AKAP19: variants seen among roughly 807,000 people sequenced by gnomAD.
The protein encoded by AKAP19 is small A-kinase anchoring protein.
At chr2:189,957,575 T>C in the AKAP19 span, among the ~76,000 whole-genome samples, 1 of 152,210 alleles carries the variant, frequency 6.6e-6, no homozygotes, top group East Asian at 1.9e-4. Context: ...CAATTTTTCA[T>C]ATGTAATTCT....
chr2:190,180,543 C>T, the AKAP19 span: 11 of 985,646 alleles, frequency 1.1e-5, no homozygotes, highest in Non-Finnish European at 7.2e-6. This position sits in a 1 kb window ranked among gnomAD's most constrained non-coding sequence, Gnocchi z 6.8. Flanking sequence ...CGGGTCTGTT[C>T]CCGCTGCGGC....
the AKAP19 span, among the ~76,000 whole-genome samples, chr2:190,191,019 C>A: frequency 6.4e-4 from 97 of 152,234 alleles, 1 homozygote; most frequent in East Asian, 0.017. Flanking sequence ...AAATAAGTAA[C>A]CTTTTGAGAC....
the AKAP19 span, among the ~76,000 whole-genome samples, chr2:190,172,723 A>C: frequency 6.6e-6 from 1 of 152,348 alleles, no homozygotes; most frequent in Non-Finnish European, 1.5e-5. Flanking sequence ...TTCAAATTCA[A>C]GTTCTAGCAC....
At chr2:189,914,478 A>T in the AKAP19 span, among the ~76,000 whole-genome samples, 3 of 152,204 alleles carry the variant, frequency 2.0e-5, no homozygotes, top group Non-Finnish European at 2.9e-5. Flanking sequence ...ACAATTTTGT[A>T]TGAAACTGCC....
the AKAP19 span, among the ~76,000 whole-genome samples, chr2:190,075,703 A>T: frequency 1.2e-3 from 183 of 152,094 alleles, 1 homozygote; most frequent in East Asian, 0.011. Context: ...CCATCCATTC[A>T]CTTTCAACCT....
At chr2:190,110,224 A>G in the AKAP19 span, among the ~76,000 whole-genome samples, 2 of 152,242 alleles carry the variant, frequency 1.3e-5, no homozygotes, top group Non-Finnish European at 2.9e-5. Context: ...GGGTATATTT[A>G]GCCAAGGAAT....
chr2:190,188,840 G>A, the AKAP19 span, among the ~76,000 whole-genome samples: 1 of 151,908 alleles, frequency 6.6e-6, no homozygotes, highest in East Asian at 1.9e-4. Flanking sequence ...GATAAATCTT[G>A]AGGCTTCTGT....
chr2:190,038,905 TTC>T, the AKAP19 span, among the ~76,000 whole-genome samples: 2,683 of 81,968 alleles, frequency 0.033, 129 homozygotes, highest in African/African-American at 0.085. Flanking sequence ...TCTTTCTTTC[TTC>T]TTCTTCTTCT....
the AKAP19 span, among the ~76,000 whole-genome samples, chr2:190,007,447 C>G: frequency 1.3e-5 from 2 of 152,132 alleles, no homozygotes; most frequent in African/African-American, 2.4e-5. Flanking sequence ...GGGAATTTCT[C>G]TGTTTTCTGT....
At chr2:190,044,177 A>T in the AKAP19 span, among the ~76,000 whole-genome samples, 481 of 152,188 alleles carry the variant, frequency 3.2e-3, 1 homozygote, top group African/African-American at 0.011. Context: ...TGCCCACTGT[A>T]GTTCTGGGGT....
At chr2:189,924,119 G>C in the AKAP19 span, 19 of 1,239,854 alleles carry the variant, frequency 1.5e-5, no homozygotes, top group African/African-American at 1.4e-4. Flanking sequence ...TAATGAAGAT[G>C]GGGGGATGAC....
At chr2:190,000,942 C>T in the AKAP19 span, among the ~76,000 whole-genome samples, 3 of 152,018 alleles carry the variant, frequency 2.0e-5, no homozygotes, top group Non-Finnish European at 4.4e-5. Context: ...CGGGGACTCC[C>T]ATTACATGTA....
At chr2:190,163,383 G>A in the AKAP19 span, among the ~76,000 whole-genome samples, 5 of 150,966 alleles carry the variant, frequency 3.3e-5, no homozygotes, top group East Asian at 1.9e-4. Flanking sequence ...GCAGTGAGCC[G>A]AGATCGCGCC....
chr2:189,980,396 T>C, the AKAP19 span, among the ~76,000 whole-genome samples: 4 of 152,164 alleles, frequency 2.6e-5, no homozygotes, highest in Non-Finnish European at 4.4e-5. Context: ...TGGAGTGCAG[T>C]GGTGCAATCT....
At chr2:190,089,148 C>G in the AKAP19 span, among the ~76,000 whole-genome samples, 1 of 152,156 alleles carries the variant, frequency 6.6e-6, no homozygotes, top group African/African-American at 2.4e-5. Context: ...GAGACATAGA[C>G]TCTCTTTGTA....
the AKAP19 span, among the ~76,000 whole-genome samples, chr2:190,007,627 A>T: frequency 1.3e-5 from 2 of 152,180 alleles, no homozygotes; most frequent in Non-Finnish European, 2.9e-5. Flanking sequence ...CACTTAAGGA[A>T]AGTACACTAA....
chr2:190,134,233 G>A, the AKAP19 span, among the ~76,000 whole-genome samples: 42 of 152,168 alleles, frequency 2.8e-4, no homozygotes, highest in East Asian at 4.4e-3. Flanking sequence ...ATGGGCTCTC[G>A]TTCATTGAAA....
the AKAP19 span, among the ~76,000 whole-genome samples, chr2:189,897,332 G>A: frequency 6.6e-6 from 1 of 152,084 alleles, no homozygotes; most frequent in Non-Finnish European, 1.5e-5. Flanking sequence ...CATCATGACA[G>A]TGTTTTAGAA....
chr2:190,054,223 A>G, the AKAP19 span, among the ~76,000 whole-genome samples: 1 of 152,208 alleles, frequency 6.6e-6, no homozygotes, highest in Non-Finnish European at 1.5e-5. Flanking sequence ...GGTCAAGACA[A>G]AAACAAGAAA....
Sources: allele counts gnomAD v4.1 joint callset (sites outside exome capture counted in the v4.1 genomes callset), GRCh38; gene constraint gnomAD v4.1.1; non-coding constraint Gnocchi (gnomAD v3.1); transcripts MANE v1.5; gene names NCBI Gene and HGNC (gene_info 2026-07-23, HGNC 2026-07-21).